SND1: variants seen among roughly 807,000 people sequenced by gnomAD.
The protein encoded by SND1 is staphylococcal nuclease and tudor domain containing 1, also known as staphylococcal nuclease domain-containing protein 1.
SND1 carries 38 observed loss-of-function variants against 121.7 expected under a neutral mutation model. The observed-to-expected ratio is 0.31, with a 90% confidence interval of 0.24 to 0.41. SND1 has a LOEUF of 0.41. Ranked by LOEUF, SND1 falls within the 10% of genes least tolerant of loss-of-function variation. The probability of loss-of-function intolerance (pLI) is 1.00; values close to 1 mark genes in which losing one functional copy is unlikely to be tolerated. For missense variants in SND1, 868 were observed against 1,184.6 expected (o/e 0.73, Z 3.92); for synonymous variants, 401 against 447.4 (o/e 0.90, Z 1.31).
intron 14 of SND1, among the ~76,000 whole-genome samples, chr7:127,917,060 T>G (rs1044784597): frequency 6.6e-6 from 1 of 152,230 alleles, no homozygotes; most frequent in Non-Finnish European, 1.5e-5. Context: ...AACTAACTTA[T>G]GTTATCTTCA....
intron 10 of SND1, among the ~76,000 whole-genome samples, chr7:127,739,855 G>T (rs1022350617): frequency 6.6e-6 from 1 of 152,224 alleles, no homozygotes; most frequent in Non-Finnish European, 1.5e-5. Flanking sequence ...AAGGAATCAG[G>T]CAGGGGCTGA....
At chr7:127,956,553 A>G (rs138580155) in intron 15 of SND1, among the ~76,000 whole-genome samples, 1 of 152,318 alleles carries the variant, frequency 6.6e-6, no homozygotes, top group East Asian at 1.9e-4. Flanking sequence ...ACAGGGCTAG[A>G]GTGGTCAGGA....
chr7:128,033,381 C>T lies in SND1; in HGVS notation c.1780-41121C>T, dbSNP rs568083408. ...TATAGCATGGTTTAATATCCCTTCC[C>T]TTCAAGAGCTGCCTCCAGACTCCTC... On this transcript the variant is annotated intron_variant, in intron 16 of 23. Transcript: ENST00000354725. 2.0e-5 allele frequency among the ~76,000 whole-genome samples: 3 copies of T among 152,290 alleles called. No individual in the cohort carries two copies. In the South Asian group the frequency reaches 6.2e-4, roughly 32 times the overall value.
intron 10 of SND1, among the ~76,000 whole-genome samples, chr7:127,725,257 G>A (rs541021762): frequency 6.6e-6 from 1 of 152,322 alleles, no homozygotes; most frequent in South Asian, 2.1e-4. Context: ...GTGGAGCCCA[G>A]TTGAGTATTC....
chr7:127,788,171 TTCTC>T (rs577059225), intron 10 of SND1, among the ~76,000 whole-genome samples: 2 of 152,206 alleles, frequency 1.3e-5, no homozygotes, highest in African/African-American at 4.8e-5. Flanking sequence ...AGTCAACCCT[TTCTC>T]TCTCTTTTTT....
chr7:127,676,025 G>T (rs1261778821), intron 1 of SND1, among the ~76,000 whole-genome samples: 3 of 152,166 alleles, frequency 2.0e-5, no homozygotes, highest in African/African-American at 7.2e-5. Context: ...TAAAGTTTTC[G>T]ATTGTGAAGT....
At chr7:127,802,810 T>C (rs146733903) in intron 10 of SND1, among the ~76,000 whole-genome samples, 277 of 152,316 alleles carry the variant, frequency 1.8e-3, no homozygotes, top group Non-Finnish European at 3.1e-3. Context: ...TTCCCGATCT[T>C]ATTTGATGGA....
rs986975859 is a variant in SND1 at position 127,740,447 on chromosome 7, C to A, written c.1152+19047C>A. Among the ~76,000 whole-genome samples the A allele has an allele frequency of 5.3e-5, 8 of 152,194 alleles. No individual in the cohort carries two copies. In the East Asian group the frequency reaches 1.4e-3, roughly 26 times the overall value. ...TGTCTCAACTCCACAAAATTAGAGT[C>A]CCCAAAGAATCACAGCAACTCATCT... On this transcript the variant is annotated intron_variant, in intron 10 of 23. Transcript: ENST00000354725.
intron 21 of SND1, among the ~76,000 whole-genome samples, chr7:128,088,199 G>A (rs143578858): frequency 0.013 from 1,945 of 150,734 alleles, 24 homozygotes; most frequent in South Asian, 0.034. Context: ...TGTAATCCCA[G>A]CATAGGAGGC....
intron 2 of SND1, among the ~76,000 whole-genome samples, chr7:127,693,750 G>A (rs950707154): frequency 6.6e-6 from 1 of 151,926 alleles, no homozygotes; most frequent in African/African-American, 2.4e-5. Flanking sequence ...ATTTTTTTCA[G>A]CATGTGAGCT....
intron 16 of SND1, among the ~76,000 whole-genome samples, chr7:128,061,999 A>T (rs1199311818): frequency 2.0e-5 from 3 of 152,246 alleles, no homozygotes; most frequent in Non-Finnish European, 2.9e-5. Flanking sequence ...TTGCTGGGTT[A>T]TAATAGGTTT....
At chr7:127,868,979 C>T (rs946789376) in intron 12 of SND1, among the ~76,000 whole-genome samples, 6 of 151,898 alleles carry the variant, frequency 4.0e-5, no homozygotes, top group Non-Finnish European at 8.8e-5. Flanking sequence ...CTATTTTGTG[C>T]GGCACTTTCG....
chr7:127,879,110 G>T (rs1472423179), intron 12 of SND1, among the ~76,000 whole-genome samples: 4 of 152,100 alleles, frequency 2.6e-5, no homozygotes, highest in Admixed American at 6.5e-5. Flanking sequence ...CTTTTTCCTT[G>T]TTGGAGACCT....
At chr7:128,012,540 C>A in intron 16 of SND1, among the ~76,000 whole-genome samples, 1 of 152,194 alleles carries the variant, frequency 6.6e-6, no homozygotes, top group Non-Finnish European at 1.5e-5. Context: ...TTGTACCTCC[C>A]CCCATTCCCA....
chr7:127,778,388 A>T (rs549911227), intron 10 of SND1, among the ~76,000 whole-genome samples: 2 of 151,982 alleles, frequency 1.3e-5, no homozygotes, highest in South Asian at 2.1e-4. Context: ...TAGTAGAGAC[A>T]GGGTTTCACC....
At chr7:128,042,823 G>A (rs999468489) in intron 16 of SND1, among the ~76,000 whole-genome samples, 1 of 152,204 alleles carries the variant, frequency 6.6e-6, no homozygotes, top group East Asian at 1.9e-4. Flanking sequence ...ACCCTGTCTT[G>A]TTTTTAATGC....
chr7:127,852,056 A>G (rs1799173554), intron 12 of SND1, among the ~76,000 whole-genome samples: 2 of 152,124 alleles, frequency 1.3e-5, no homozygotes. Flanking sequence ...GCTATTCGGA[A>G]GGCTGAGGCA....
intron 10 of SND1, among the ~76,000 whole-genome samples, chr7:127,786,028 A>C (rs938391599): frequency 1.3e-5 from 2 of 152,134 alleles, no homozygotes; most frequent in Admixed American, 1.3e-4. Context: ...TCTAAAAAAA[A>C]TTTGAGGGAC....
intron 1 of SND1, among the ~76,000 whole-genome samples, chr7:127,685,020 G>A (rs1357562334): frequency 1.3e-5 from 2 of 152,146 alleles, no homozygotes; most frequent in African/African-American, 4.8e-5. Context: ...TCCTTGGTCA[G>A]GGTAATGGTG....
Sources: gnomAD v4.1 joint callset for allele counts (sites outside exome capture counted in the v4.1 genomes callset) on GRCh38, gnomAD v4.1.1 for gene constraint, MANE v1.5 for transcripts, NCBI Gene and HGNC (gene_info 2026-07-23, HGNC 2026-07-21) for gene names.